C4orf51: variants seen among roughly 807,000 people sequenced by gnomAD.
C4orf51 encodes uncharacterized protein C4orf51.
Under a neutral mutation model 25.2 loss-of-function variants are expected in C4orf51, and 25 were observed. The observed-to-expected ratio is 0.99, with a 90% confidence interval of 0.72 to 1.39. C4orf51 has a LOEUF of 1.39. Among genes scored for constraint, C4orf51 ranks in the 40% most tolerant of loss-of-function variants. The pLI is 0.00. For synonymous variants in C4orf51, 100 were observed against 84.5 expected (o/e 1.18, Z -1.01); for missense variants, 252 against 239.6 (o/e 1.05, Z -0.34).
chr4:145,733,323 C>A (rs1290073182), downstream of C4orf51, among the ~76,000 whole-genome samples: 1 of 150,952 alleles, frequency 6.6e-6, no homozygotes, highest in African/African-American at 2.5e-5. Context: ...CCTGCTGATT[C>A]CCCCCCACCA....
intron 2 of C4orf51, among the ~76,000 whole-genome samples, chr4:145,699,592 C>T (rs866762165): frequency 1.3e-5 from 2 of 152,170 alleles, no homozygotes; most frequent in Admixed American, 6.5e-5. Context: ...AAAACTCTGG[C>T]GCCGGTCACG....
intron 1 of C4orf51, among the ~76,000 whole-genome samples, chr4:145,694,047 G>T (rs1159875675): frequency 1.2e-4 from 16 of 128,780 alleles, no homozygotes; most frequent in African/African-American, 1.5e-4. Context: ...GGGCAGAGAC[G>T]CTCCTCACCT....
intron 1 of C4orf51, among the ~76,000 whole-genome samples, chr4:145,745,164 C>T (rs1236341394): frequency 6.6e-6 from 1 of 152,088 alleles, no homozygotes; most frequent in Non-Finnish European, 1.5e-5. Flanking sequence ...ATAACAATCA[C>T]GTCAGGGTAA....
intron 1 of C4orf51, among the ~76,000 whole-genome samples, chr4:145,749,267 AGTCTATGCTT>A (rs1342193592): frequency 1.3e-5 from 2 of 151,844 alleles, no homozygotes; most frequent in African/African-American, 4.8e-5. Context: ...CTTTATTTTC[AGTCTATGCTT>A]GTCTTCATAG....
intron 1 of C4orf51, among the ~76,000 whole-genome samples, chr4:145,743,548 A>G (rs1359509065): frequency 6.6e-6 from 1 of 152,228 alleles, no homozygotes; most frequent in African/African-American, 2.4e-5. Context: ...CTCTCAACAC[A>G]GCTACATTAG....
chr4:145,773,013 G>C (rs1736522331), downstream of C4orf51, among the ~76,000 whole-genome samples: 1 of 152,194 alleles, frequency 6.6e-6, no homozygotes, highest in Non-Finnish European at 1.5e-5. Context: ...TGGGTGTGGA[G>C]GGGGCTTTGG....
At chr4:145,696,443 A>C in intron 1 of C4orf51, 116 bp from the exon 2 acceptor site, 30 of 857,120 alleles carry the variant, frequency 3.5e-5, no homozygotes, top group East Asian at 1.0e-4. Context: ...TGTACTCCCA[A>C]ACCTAAAATG....
Position 145,680,352 on chromosome 4 carries a change from G to A in C4orf51, c.149G>A (p.Gly50Asp). The A allele has an allele frequency of 6.2e-7, 1 of 1,613,912 alleles. No homozygotes were observed. Among genetic ancestry groups the A allele is most frequent in the Non-Finnish European group, 8.5e-7 (1 of 1,179,856 alleles). ...WSDSSVTTYTGSYRKKQLDKS... is the reference protein window; with the variant it reads ...WSDSSVTTYTDSYRKKQLDKS... ...GATTCTTCCGTGACAACATACACAG[G>A]CAGTTACCGGAAAAAACAACTGGAC... Residue 50 changes from glycine (G) to aspartate (D), a missense_variant, in exon 1 of 6, where the codon GGC (glycine) becomes GAC (aspartate). By Grantham distance (94) the Gly-to-Asp change is moderately conservative (BLOSUM62 -1). Coordinates refer to ENST00000438731, the MANE Select transcript of C4orf51 (RefSeq NM_001080531.3).
chr4:145,701,204 G>GATTT (rs1256268276), intron 2 of C4orf51, among the ~76,000 whole-genome samples: 1 of 83,264 alleles, frequency 1.2e-5, no homozygotes, highest in Non-Finnish European at 2.2e-5. Flanking sequence ...CCCGCAACAG[G>GATTT]ACTTAACCTC....
chr4:145,768,317 A>G (rs909169771), intron 1 of C4orf51, among the ~76,000 whole-genome samples: 3 of 152,106 alleles, frequency 2.0e-5, no homozygotes, highest in Non-Finnish European at 2.9e-5. Flanking sequence ...GGTGTGTGCC[A>G]TCATGCCTGG....
downstream of C4orf51, among the ~76,000 whole-genome samples, chr4:145,772,909 C>G (rs79152646): frequency 8.7e-4 from 133 of 152,278 alleles, no homozygotes; most frequent in African/African-American, 2.9e-3. Context: ...TGTGTTTGCA[C>G]TGGTTAGTTG....
chr4:145,760,720 G>GTTTTTTTTTT, intron 1 of C4orf51: 2 of 706,240 alleles, frequency 2.8e-6, no homozygotes, highest in South Asian at 4.6e-5. Flanking sequence ...AAGTTTTGTG[G>GTTTTTTTTTT]TTTTTTTTTT....
At chr4:145,770,659 G>A (rs999851311) in intron 1 of C4orf51, among the ~76,000 whole-genome samples, 7 of 151,984 alleles carry the variant, frequency 4.6e-5, no homozygotes, top group Admixed American at 2.6e-4. Context: ...TATTTGTACA[G>A]AGTTGGCTCT....
At chr4:145,691,178 C>A (rs1458490466) in intron 1 of C4orf51, among the ~76,000 whole-genome samples, 1 of 152,070 alleles carries the variant, frequency 6.6e-6, no homozygotes, top group Non-Finnish European at 1.5e-5. Context: ...AAGTGGCCAA[C>A]AAACATGAAG....
chr4:145,760,960 A>T (rs1411944461), intron 1 of C4orf51: 1 of 1,236,460 alleles, frequency 8.1e-7, no homozygotes, highest in Admixed American at 2.9e-5. Context: ...GTACTTGTCA[A>T]AGCGCAAAGG....
At chr4:145,775,141 C>T (rs1012968275), downstream of C4orf51, among the ~76,000 whole-genome samples, 1 of 152,136 alleles carries the variant, frequency 6.6e-6, no homozygotes, top group Non-Finnish European at 1.5e-5. Flanking sequence ...TATGGCACTC[C>T]AAGCAAGAGG....
intron 1 of C4orf51, among the ~76,000 whole-genome samples, chr4:145,751,358 C>T (rs1368292886): frequency 6.6e-6 from 1 of 152,158 alleles, no homozygotes; most frequent in Non-Finnish European, 1.5e-5. Context: ...CGGGACTCCT[C>T]CAGCCCAATA....
chr4:145,739,840 A>G (rs1412755131), intron 1 of C4orf51, among the ~76,000 whole-genome samples: 1 of 152,144 alleles, frequency 6.6e-6, no homozygotes, highest in Non-Finnish European at 1.5e-5. Context: ...ACCCCTGACA[A>G]CTATTGAGCT....
At chr4:145,771,469 A>C (rs1736271628), downstream of C4orf51, among the ~76,000 whole-genome samples, 1 of 152,256 alleles carries the variant, frequency 6.6e-6, no homozygotes, top group Non-Finnish European at 1.5e-5. Context: ...CCAAATAGCC[A>C]TTCAGATTCC....
Sources: gnomAD v4.1 joint callset for allele counts (sites outside exome capture counted in the v4.1 genomes callset) on GRCh38, gnomAD v4.1.1 for gene constraint, MANE v1.5 for transcripts, NCBI Gene and HGNC (gene_info 2026-07-23, HGNC 2026-07-21) for gene names.